The following MYLK variants were observed in gnomAD, a reference collection of about 807,000 sequenced individuals.
MYLK encodes myosin light chain kinase, also known as myosin light chain kinase, smooth muscle.
A neutral mutation model predicts 203.4 loss-of-function variants in MYLK; 106 were observed. The observed-to-expected ratio is 0.52, with a 90% confidence interval of 0.45 to 0.61. The LOEUF (loss-of-function observed/expected upper bound fraction) is 0.61, where lower values mean the gene tolerates loss of function less well. Ranked by LOEUF, MYLK falls within the 20% of genes least tolerant of loss-of-function variation. MYLK has a pLI of 0.00. For synonymous variants in MYLK, 867 were observed against 959.5 expected (o/e 0.90, Z 1.78); for missense variants, 2,072 against 2,442.3 (o/e 0.85, Z 3.20).
At chr3:123,793,620 A>G (rs1324856703) in intron 4 of MYLK, 57 bp downstream of exon 4, 2 of 1,595,442 alleles carry the variant, frequency 1.3e-6, no homozygotes, top group Non-Finnish European at 1.7e-6. Flanking sequence ...CTTGACAAGG[A>G]GCAGCGGCCC....
intron 2 of MYLK, among the ~76,000 whole-genome samples, chr3:123,853,487 A>G (rs2031050668): frequency 6.6e-6 from 1 of 152,154 alleles, no homozygotes; most frequent in Non-Finnish European, 1.5e-5. Flanking sequence ...CATTTGCCCC[A>G]GGGGAATTTT....
chr3:123,630,684 G>A (rs910309824), intron 29 of MYLK: 4 of 152,238 alleles, frequency 2.6e-5, no homozygotes, highest in African/African-American at 7.2e-5. Context: ...CAGTAAGGAG[G>A]CGGTCCATGC....
rs771169789 is a variant in MYLK at position 123,737,420 on chromosome 3, C to T, written c.712G>A (p.Gly238Arg). The T allele has an allele frequency of 2.1e-5, 34 of 1,614,036 alleles. No individual in the cohort carries two copies. In the East Asian group the frequency reaches 2.2e-4, roughly 11 times the overall value. Reference sequence around the variant, plus strand: ...GCTGACATCGAGGCCTTCCCCGACCCGTTCACCACCAGGCACGTGTACACT... The same window carrying T: ...GCTGACATCGAGGCCTTCCCCGACCTGTTCACCACCAGGCACGTGTACACT... ...VGVYTCLVVNGSGKASMSAEL... is the reference protein window; with the variant it reads ...VGVYTCLVVNRSGKASMSAEL... Residue 238 changes from glycine (G) to arginine (R), a missense_variant, in exon 8 of 34, where the codon GGG (glycine) becomes AGG (arginine). Physicochemically the swap from Gly to Arg is moderately radical, Grantham distance 125. Transcript: ENST00000360304.
In MYLK at chr3:123,700,467, C is replaced by T. The variant is rs775627574; in HGVS notation, c.3001G>A (p.Glu1001Lys). Residue 1001 changes from glutamate (E) to lysine (K), a missense_variant, in exon 18 of 34, where the codon GAG (glutamate) becomes AAG (lysine). Around this residue, in one of 3 missense-constraint regions of MYLK, gnomAD observed 865 missense variants for 1,016.0 expected, o/e 0.85. Transcript: ENST00000360304. ...TCCACTGCCTTGGCATTCAGGGTCT[C>T]GGCACTGCTGCTGCCATTCTCTGCT... ...LPAENGSSSA[E>K]TLNAKAVESS... 21 of 1,608,118 alleles carry T rather than the reference C, an allele frequency of 1.3e-5. No individual in the cohort carries two copies. Among genetic ancestry groups the T allele is most frequent in the Middle Eastern group, 1.7e-4 (1 of 6,030 alleles).
chr3:123,717,258 C>T lies in MYLK; in HGVS notation c.1804+4870G>A, dbSNP rs148785190. Among the ~76,000 whole-genome samples, 597 of 152,310 alleles carry T rather than the reference C, an allele frequency of 3.9e-3. 4 individuals are homozygous for T. The highest frequency in any genetic ancestry group is 0.014 in the African/African-American group (576 of 41,558). On this transcript the variant is annotated intron_variant, in intron 13 of 33. Transcript: ENST00000360304. ...CAAAGGAGGTGGCTCCAGGCTGCCC[C>T]GCAGAGTGCCTGGTATTAATCTGAA...
chr3:123,636,644 C>T (rs957038613), intron 29 of MYLK, among the ~76,000 whole-genome samples: 2 of 152,222 alleles, frequency 1.3e-5, no homozygotes, highest in East Asian at 3.9e-4. Flanking sequence ...CCGCCCCCTA[C>T]CCTGCTGTTC....
chr3:123,879,801 C>G (rs1052875470), intron 1 of MYLK, among the ~76,000 whole-genome samples: 1 of 152,080 alleles, frequency 6.6e-6, no homozygotes, highest in Non-Finnish European at 1.5e-5. Context: ...ACTACAGACG[C>G]CCGCCACCAC....
At chr3:123,831,107 C>T (rs1343402258) in intron 3 of MYLK, among the ~76,000 whole-genome samples, 1 of 152,164 alleles carries the variant, frequency 6.6e-6, no homozygotes, top group Admixed American at 6.5e-5. Context: ...CCAACAATGC[C>T]TGCTTGCCAA....
intron 4 of MYLK, among the ~76,000 whole-genome samples, chr3:123,773,178 G>A (rs2063944201): frequency 6.6e-6 from 1 of 151,996 alleles, no homozygotes; most frequent in Non-Finnish European, 1.5e-5. Context: ...GAATTTTAAA[G>A]AATATGAGAA....
intron 31 of MYLK, chr3:123,624,327 T>TA (rs71625741): frequency 0.22 from 31,241 of 141,222 alleles, 5,256 homozygotes; most frequent in African/African-American, 0.48. Flanking sequence ...CCTGTCTCTT[T>TA]AAAAAAAAAA....
At chr3:123,831,129 G>A (rs2066311086) in intron 3 of MYLK, among the ~76,000 whole-genome samples, 2 of 152,202 alleles carry the variant, frequency 1.3e-5, no homozygotes, top group Admixed American at 6.5e-5. Context: ...GAACCATGGA[G>A]TCAAAGGAGA....
At chr3:123,806,331 C>A (rs1245089337) in intron 3 of MYLK, among the ~76,000 whole-genome samples, 4 of 152,184 alleles carry the variant, frequency 2.6e-5, no homozygotes, top group African/African-American at 9.6e-5. Context: ...GAGTTGAGAT[C>A]TCTGAAGCTG....
intron 11 of MYLK, among the ~76,000 whole-genome samples, chr3:123,728,841 C>T (rs193215128): frequency 4.6e-5 from 7 of 152,298 alleles, no homozygotes; most frequent in Admixed American, 3.9e-4. Context: ...CTCCATTTTC[C>T]GGGTTGTCTT....
At chr3:123,717,015 T>C (rs144341694) in intron 13 of MYLK, among the ~76,000 whole-genome samples, 1 of 152,370 alleles carries the variant, frequency 6.6e-6, no homozygotes, top group African/African-American at 2.4e-5. Context: ...GTTTAAAGGC[T>C]TGTGGACAGA....
chr3:123,665,532 A>G lies in MYLK; in HGVS notation c.3831+687T>C, dbSNP rs1576478211. On this transcript the variant is annotated intron_variant, in intron 22 of 33. Transcript: ENST00000360304. Reference sequence around the variant, plus strand: ...AAAACAGAGTAACAGAGGGCTCAGAATAAATCTTCACAACTTCCCACTCCT... The same window carrying G: ...AAAACAGAGTAACAGAGGGCTCAGAGTAAATCTTCACAACTTCCCACTCCT... 2.0e-5 allele frequency among the ~76,000 whole-genome samples: 3 copies of G among 152,216 alleles called. No homozygotes were observed. The East Asian group carries it at 5.8e-4, about 29-fold the overall frequency.
chr3:123,810,114 C>G (rs2065505678), intron 3 of MYLK, among the ~76,000 whole-genome samples: 1 of 152,210 alleles, frequency 6.6e-6, no homozygotes, highest in Non-Finnish European at 1.5e-5. Context: ...GCACACCCAT[C>G]ACTGTGTATT....
intron 29 of MYLK, among the ~76,000 whole-genome samples, chr3:123,635,440 G>T (rs2058605982): frequency 6.6e-6 from 1 of 152,222 alleles, no homozygotes; most frequent in Admixed American, 6.5e-5. Flanking sequence ...GCCCCAGAGG[G>T]CAGTGGCTCA....
chr3:123,841,952 T>C (rs1195247655), intron 2 of MYLK, among the ~76,000 whole-genome samples: 1 of 152,168 alleles, frequency 6.6e-6, no homozygotes, highest in Non-Finnish European at 1.5e-5. Context: ...TGGTAGATTA[T>C]CTCCCATCAT....
chr3:123,785,297 A>AT (rs1187027808), intron 4 of MYLK, among the ~76,000 whole-genome samples: 2 of 152,350 alleles, frequency 1.3e-5, no homozygotes, highest in Admixed American at 1.3e-4. Context: ...TCAGTCCACC[A>AT]TTTTGAACCC....
Sources: gnomAD v4.1 joint callset for allele counts (sites outside exome capture counted in the v4.1 genomes callset) on GRCh38, gnomAD v4.1.1 for gene constraint, gnomAD v4.1.1 regional missense constraint, MANE v1.5 for transcripts, NCBI Gene and HGNC (gene_info 2026-07-23, HGNC 2026-07-21) for gene names.